The following RUNX2 variants were observed in gnomAD, a reference collection of about 807,000 sequenced individuals.
The protein encoded by RUNX2 is RUNX family transcription factor 2.
RUNX2 carries 10 observed loss-of-function variants against 51.7 expected under a neutral mutation model. The observed-to-expected ratio is 0.19, with a 90% confidence interval of 0.12 to 0.33. RUNX2 has a LOEUF of 0.33. RUNX2 is among the 10% of genes least tolerant of loss of function. The pLI is 1.00. For missense variants in RUNX2, 562 were observed against 691.3 expected (o/e 0.81, Z 2.10); for synonymous variants, 276 against 273.6 (o/e 1.01, Z -0.09).
chr6:45,428,416 C>G (rs1798443615), intron 3 of RUNX2, among the ~76,000 whole-genome samples: 1 of 152,106 alleles, frequency 6.6e-6, no homozygotes, highest in African/African-American at 2.4e-5. Flanking sequence ...TTTTCTCCCC[C>G]TCAGAAAAAC....
At chr6:45,354,544 TCA>T (rs71779492) in intron 2 of RUNX2, among the ~76,000 whole-genome samples, 18,325 of 152,042 alleles carry the variant, frequency 0.12, 1,258 homozygotes, top group African/African-American at 0.19. Flanking sequence ...AGGGATTGTC[TCA>T]GTTTCCTTGG....
intron 2 of RUNX2, among the ~76,000 whole-genome samples, chr6:45,399,586 C>T (rs914976491): frequency 6.6e-6 from 1 of 151,810 alleles, no homozygotes; most frequent in Non-Finnish European, 1.5e-5. Flanking sequence ...TCTTGAACTC[C>T]TGACCTCATG....
chr6:45,422,536 T>G, intron 2 of RUNX2, 57 bp from the exon 3 acceptor site: 2 of 923,184 alleles, frequency 2.2e-6, no homozygotes, highest in Non-Finnish European at 2.9e-6. Flanking sequence ...TCCACCCTCC[T>G]CCCCCTCCCC....
chr6:45,375,712 G>C (rs1796682431), intron 2 of RUNX2, among the ~76,000 whole-genome samples: 1 of 151,972 alleles, frequency 6.6e-6, no homozygotes. Flanking sequence ...CCTGGCCCAA[G>C]GGCACCATTT....
At chr6:45,403,090 C>T (rs1797749788) in intron 2 of RUNX2, among the ~76,000 whole-genome samples, 1 of 152,000 alleles carries the variant, frequency 6.6e-6, no homozygotes, top group East Asian at 1.9e-4. Context: ...ATTACAACAA[C>T]CTTATAATAA....
intron 7 of RUNX2, among the ~76,000 whole-genome samples, chr6:45,519,790 A>ATATGTGTG (rs1554398519): frequency 8.1e-6 from 1 of 124,086 alleles, no homozygotes; most frequent in Admixed American, 8.7e-5. Flanking sequence ...ATATATATAT[A>ATATGTGTG]TGTGTGTGTG....
intron 5 of RUNX2, among the ~76,000 whole-genome samples, chr6:45,439,788 C>G (rs1355512644): frequency 1.3e-5 from 2 of 152,082 alleles, no homozygotes; most frequent in Non-Finnish European, 2.9e-5. Context: ...TAGGTGCTCC[C>G]TGTTCTGAAC....
chr6:45,506,243 A>C (rs545704464), intron 6 of RUNX2, among the ~76,000 whole-genome samples: 8 of 152,128 alleles, frequency 5.3e-5, no homozygotes, highest in African/African-American at 1.9e-4. Flanking sequence ...CTTCTCTCGC[A>C]TGTAGTCATT....
At chr6:45,335,776 C>T (rs981850604) in intron 2 of RUNX2, among the ~76,000 whole-genome samples, 4 of 151,204 alleles carry the variant, frequency 2.6e-5, no homozygotes, top group Non-Finnish European at 4.5e-5. Flanking sequence ...ACAACAGCAT[C>T]TTAACATTAG....
At chr6:45,357,462 C>A (rs1401547564) in intron 2 of RUNX2, among the ~76,000 whole-genome samples, 7 of 152,080 alleles carry the variant, frequency 4.6e-5, no homozygotes, top group African/African-American at 1.7e-4. Context: ...TCCCAAGTAG[C>A]TGGGACTACA....
intron 2 of RUNX2, among the ~76,000 whole-genome samples, chr6:45,357,259 G>A (rs550214709): frequency 2.0e-3 from 300 of 151,874 alleles, no homozygotes; most frequent in Non-Finnish European, 3.6e-3. Flanking sequence ...CGCCCACCTC[G>A]GCCTCCCAAA....
chr6:45,515,586 C>T (rs571741869), intron 7 of RUNX2, among the ~76,000 whole-genome samples: 1 of 152,138 alleles, frequency 6.6e-6, no homozygotes, highest in Non-Finnish European at 1.5e-5. Flanking sequence ...AAATAGATCA[C>T]CGCAGGGCAT....
intron 2 of RUNX2, among the ~76,000 whole-genome samples, chr6:45,362,913 GAATAT>G (rs370754820): frequency 2.0e-5 from 3 of 152,084 alleles, no homozygotes; most frequent in African/African-American, 7.2e-5. Flanking sequence ...AATAACAAAA[GAATAT>G]AATACTCTAC....
In RUNX2 at chr6:45,466,670, G is replaced by T. The variant is rs183115795; in HGVS notation, c.686-25271G>T. Among the ~76,000 whole-genome samples, 33 of 152,346 alleles carry T rather than the reference G, an allele frequency of 2.2e-4. No individual in the cohort carries two copies. The East Asian group carries it at 3.7e-3, about 17-fold the overall frequency. ...AGTTTTTAGTAGGATTCCAGTAGGA[G>T]TACGTAATTTATCTTTTCCCCTCTT... On this transcript the variant is annotated intron_variant, in intron 5 of 8. Coordinates refer to ENST00000647337, the MANE Select transcript of RUNX2 (RefSeq NM_001024630.4).
rs1440752988 is a variant in RUNX2 at position 45,549,921 on chromosome 6, C to G, written c.*2616C>G. On this transcript the variant is annotated 3_prime_UTR_variant, in exon 9 of 9. Coordinates refer to ENST00000647337, the MANE Select transcript of RUNX2 (RefSeq NM_001024630.4). The stretch of plus-strand genomic sequence containing the variant: ...TCCCTCCACCCTCACTCCAACCACC[C>G]CAATGGGGGTAATTCACATTTCTTA... 6.6e-6 allele frequency: 1 copy of G among 152,608 alleles called. No homozygotes were observed. Among genetic ancestry groups the G allele is most frequent in the Admixed American group, 6.5e-5 (1 of 15,284 alleles). 9.5% of individuals were successfully genotyped at this position (152,608 alleles called of 1,614,324 possible).
chr6:45,400,185 A>C (rs62400349), intron 2 of RUNX2, among the ~76,000 whole-genome samples: 1 of 139,022 alleles, frequency 7.2e-6, no homozygotes. Flanking sequence ...GAAGGAGGGA[A>C]TGAGGGAAGG....
intron 7 of RUNX2, among the ~76,000 whole-genome samples, chr6:45,525,300 T>C (rs1801638240): frequency 2.0e-5 from 3 of 152,208 alleles, no homozygotes; most frequent in South Asian, 2.1e-4. Flanking sequence ...AACTTTTGAA[T>C]TGGGTCTTGC....
intron 4 of RUNX2, among the ~76,000 whole-genome samples, chr6:45,434,775 T>C (rs1435829108): frequency 6.6e-6 from 1 of 152,234 alleles, no homozygotes. Flanking sequence ...TACTGACTGC[T>C]AGCTCCCTAT....
At chr6:45,335,695 C>A (rs1788403421) in intron 2 of RUNX2, among the ~76,000 whole-genome samples, 1 of 151,210 alleles carries the variant, frequency 6.6e-6, no homozygotes, top group South Asian at 2.1e-4. Context: ...GCATTTCATA[C>A]TAAGAACCTA....
Sources: gnomAD v4.1 joint callset for allele counts (sites outside exome capture counted in the v4.1 genomes callset) on GRCh38, gnomAD v4.1.1 for gene constraint, MANE v1.5 for transcripts, NCBI Gene and HGNC (gene_info 2026-07-23, HGNC 2026-07-21) for gene names.